The following ADGRL3 variants were observed in gnomAD, a reference collection of about 807,000 sequenced individuals.
The protein encoded by ADGRL3 is calcium-independent alpha-latrotoxin receptor 3.
Under a neutral mutation model 153.5 loss-of-function variants are expected in ADGRL3, and 62 were observed. The ratio of observed to expected loss-of-function variants is 0.40; its 90% CI spans 0.33 to 0.50. The LOEUF (loss-of-function observed/expected upper bound fraction) is 0.50, where lower values mean the gene tolerates loss of function less well. Ranked by LOEUF, ADGRL3 falls within the 20% of genes least tolerant of loss-of-function variation. ADGRL3 has a pLI of 0.47. For synonymous variants in ADGRL3, 710 were observed against 672.5 expected, an observed-to-expected ratio of 1.06 and a Z score of -0.86; for missense variants, 1,641 against 1,859.4, an observed-to-expected ratio of 0.88 and a Z score of 2.16.
intron 1 of ADGRL3, among the ~76,000 whole-genome samples, chr4:61,382,474 T>G (rs1216202573): frequency 6.6e-6 from 1 of 151,722 alleles, no homozygotes; most frequent in Non-Finnish European, 1.5e-5. Context: ...AAAAAGTCTG[T>G]TTTATTATTT....
intron 1 of ADGRL3, among the ~76,000 whole-genome samples, chr4:61,276,501 T>G (rs2093467991): frequency 6.6e-6 from 1 of 152,206 alleles, no homozygotes; most frequent in Non-Finnish European, 1.5e-5. Flanking sequence ...ATTCTTTGTT[T>G]TGGCTTTTGG....
intron 8 of ADGRL3, among the ~76,000 whole-genome samples, chr4:61,746,043 G>T (rs2096655317): frequency 6.6e-6 from 1 of 152,132 alleles, no homozygotes. Context: ...ACAAAAAAAG[G>T]CAGGGGTTGC....
intron 2 of ADGRL3, among the ~76,000 whole-genome samples, chr4:61,414,037 A>G (rs2097118936): frequency 6.6e-6 from 1 of 152,204 alleles, no homozygotes; most frequent in African/African-American, 2.4e-5. Context: ...ATTTATGTCC[A>G]AAAGGCCTGT....
chr4:61,248,844 T>C (rs1057261552), intron 1 of ADGRL3, among the ~76,000 whole-genome samples: 24 of 152,178 alleles, frequency 1.6e-4, no homozygotes, highest in Admixed American at 7.9e-4. Flanking sequence ...CTAAATCTGC[T>C]TTAGGAGAGA....
intron 9 of ADGRL3, among the ~76,000 whole-genome samples, chr4:61,818,219 G>C (rs748446291): frequency 5.3e-5 from 8 of 152,052 alleles, no homozygotes; most frequent in Non-Finnish European, 1.0e-4. Context: ...ATTCCAAATG[G>C]AAGAAATTGG....
At chr4:61,418,118 G>A (rs10428284) in intron 2 of ADGRL3, among the ~76,000 whole-genome samples, 6,180 of 152,260 alleles carry the variant, frequency 0.041, 364 homozygotes, top group East Asian at 0.21. Flanking sequence ...TCTCGCTAGA[G>A]AAAGAGAAGA....
intron 1 of ADGRL3, among the ~76,000 whole-genome samples, chr4:61,271,061 TAAA>T (rs1383499622): frequency 6.6e-6 from 1 of 151,670 alleles, no homozygotes; most frequent in Non-Finnish European, 1.5e-5. Context: ...TTAGTGTTCT[TAAA>T]AAAATAATAG....
intron 11 of ADGRL3, among the ~76,000 whole-genome samples, chr4:61,897,099 TA>T (rs1362268870): frequency 2.0e-5 from 3 of 152,238 alleles, no homozygotes; most frequent in Non-Finnish European, 2.9e-5. Context: ...GCAGCCCAGC[TA>T]ATCTTAGGAC....
rs148522407 is a variant in ADGRL3, at chr4:61,744,026, G to A, written c.1399+10472G>A. ...TCCCACCCCCATACTGAGCTTTTCC[G>A]ATGGGCTTAAAAAACGGCACACCAG... On this transcript the variant is annotated intron_variant, in intron 8 of 26. Transcript: ENST00000683033. 9.4e-3 allele frequency among the ~76,000 whole-genome samples: 1,437 copies of A among 152,260 alleles called. 31 individuals carry two copies. Among genetic ancestry groups the A allele is most frequent in the African/African-American group, 0.033 (1,360 of 41,558 alleles).
rs746292383 is a variant in ADGRL3, at chr4:61,937,684, AG to A, written c.2419+1641del. Among the ~76,000 whole-genome samples, 127 of 152,226 alleles carry A rather than the reference AG, an allele frequency of 8.3e-4. 1 individual carries two copies. Among genetic ancestry groups the A allele is most frequent in the Non-Finnish European group, 1.3e-3 (91 of 68,000 alleles). The stretch of plus-strand genomic sequence containing the variant: ...CCTGCTTATTGCCTAGTCTCCCTCC[AG>A]GCAGTAAGTTCCATGAAAGCAGAGG... On this transcript the variant is annotated intron_variant, in intron 15 of 26. Coordinates refer to ENST00000683033, the MANE Select transcript of ADGRL3 (RefSeq NM_001387552.1).
At chr4:61,847,889 A>T (rs1181789255) in intron 9 of ADGRL3, among the ~76,000 whole-genome samples, 4 of 24,270 alleles carry the variant, frequency 1.6e-4, no homozygotes, top group South Asian at 9.2e-4. Flanking sequence ...ATATAATATA[A>T]AATATATTAT....
At chr4:61,676,699 A>G (rs188852368) in intron 5 of ADGRL3, 127 bp from the exon 6 acceptor site, 224 of 687,512 alleles carry the variant, frequency 3.3e-4, no homozygotes, top group Non-Finnish European at 5.4e-4. Context: ...ATAGGCCTAA[A>G]GCCCCAAATT....
chr4:61,529,445 A>C (rs2098598476), intron 4 of ADGRL3, among the ~76,000 whole-genome samples: 1 of 152,198 alleles, frequency 6.6e-6, no homozygotes, highest in African/African-American at 2.4e-5. Context: ...GCTATTCTGC[A>C]GTAATCCTTA....
chr4:61,342,290 A>G (rs950453103), intron 1 of ADGRL3, among the ~76,000 whole-genome samples: 26 of 152,150 alleles, frequency 1.7e-4, no homozygotes, highest in African/African-American at 6.0e-4. Context: ...CAGTTGACCA[A>G]ACTTATTAAG....
In ADGRL3 at chr4:61,579,927, G is replaced by C. The variant is rs1003906747; in HGVS notation, c.260-7300G>C. Among the ~76,000 whole-genome samples the C allele has an allele frequency of 3.3e-5, 5 of 152,066 alleles. No individual in the cohort carries two copies. The East Asian group carries it at 9.6e-4, about 29-fold the overall frequency. On this transcript the variant is annotated intron_variant, in intron 4 of 26. Coordinates refer to ENST00000683033, the MANE Select transcript of ADGRL3 (RefSeq NM_001387552.1). ...GATGGGTTATTTCTTTTGGTTACCA[G>C]TGTTGTTTTTGCTGCCAAGTGTTTT...
intron 1 of ADGRL3, among the ~76,000 whole-genome samples, chr4:61,208,483 C>T (rs1302439003): frequency 2.0e-5 from 3 of 151,852 alleles, no homozygotes; most frequent in Non-Finnish European, 4.4e-5. Flanking sequence ...CATGAGAGTC[C>T]TAGGAAACTT....
intron 5 of ADGRL3, among the ~76,000 whole-genome samples, chr4:61,657,892 G>A (rs10034242): frequency 0.99 from 151,235 of 152,260 alleles, 75,121 homozygotes; most frequent in Middle Eastern, 1. Context: ...AGAGGAAGAG[G>A]GAGGAGTGCT....
chr4:61,598,475 C>A (rs2098998312), intron 5 of ADGRL3, among the ~76,000 whole-genome samples: 1 of 152,140 alleles, frequency 6.6e-6, no homozygotes, highest in South Asian at 2.1e-4. Context: ...CAAAAAGAAG[C>A]TACAACATAA....
At chr4:61,487,080 A>G (rs1362719740) in intron 2 of ADGRL3, among the ~76,000 whole-genome samples, 2 of 152,198 alleles carry the variant, frequency 1.3e-5, no homozygotes, top group Non-Finnish European at 2.9e-5. Flanking sequence ...CATTCAACCT[A>G]CAAGTTAAAG....
Sources: allele counts gnomAD v4.1 joint callset (sites outside exome capture counted in the v4.1 genomes callset), GRCh38; gene constraint gnomAD v4.1.1; transcripts MANE v1.5; gene names NCBI Gene and HGNC (gene_info 2026-07-23, HGNC 2026-07-21).